Variants in TRPC5 observed in about 807,000 individuals in gnomAD.
TRPC5 encodes transient receptor potential cation channel subfamily C member 5.
TRPC5 carries 9 observed loss-of-function variants against 56.5 expected under a neutral mutation model. The observed-to-expected ratio is 0.16, with a 90% CI of 0.10 to 0.28. The LOEUF (loss-of-function observed/expected upper bound fraction) is 0.28. Ranked by LOEUF, TRPC5 falls within the 10% of genes least tolerant of loss-of-function variation. The pLI is 1.00. For missense variants in TRPC5, 469 were observed against 748.9 expected (o/e 0.63, Z 4.36); for synonymous variants, 282 against 278.5 (o/e 1.01, Z -0.13).
intron 3 of TRPC5, 32 bp downstream of exon 3, chrX:111,912,259 C>T (rs145392920): frequency 0.029 from 33,649 of 1,158,171 alleles, 427 homozygotes; most frequent in Middle Eastern, 0.099. Flanking sequence ...AGGCTTTAAG[C>T]TTCCCTGAAA....
chrX:111,880,570 C>A (rs776445495), intron 3 of TRPC5, among the ~76,000 whole-genome samples: 1 of 112,247 alleles, frequency 8.9e-6, no homozygotes, highest in Non-Finnish European at 1.9e-5. Flanking sequence ...TCACTGTGTA[C>A]TTGAAAAGGT....
At chrX:111,922,721 G>A (rs1438117946) in intron 2 of TRPC5, among the ~76,000 whole-genome samples, 2 of 111,891 alleles carry the variant, frequency 1.8e-5, no homozygotes, top group Non-Finnish European at 3.8e-5. Context: ...CAGCTTTCAA[G>A]GCCAAGGTGT....
At chrX:111,892,154 C>T (rs766633603) in intron 3 of TRPC5, among the ~76,000 whole-genome samples, 60 of 112,056 alleles carry the variant, frequency 5.4e-4, no homozygotes, top group African/African-American at 1.9e-3. Flanking sequence ...CTTAGTCTTT[C>T]TCTTATCAAA....
Position 111,950,117 on chromosome X carries a change from G to A in TRPC5, c.378+1926C>T, listed in dbSNP as rs911573678. ...AGGTGGGCAGATCACGAGGTCAGGA[G>A]ATCAAGAACATCCTGGCTAACACAG... On this transcript the variant is annotated intron_variant, in intron 2 of 10. Coordinates refer to ENST00000262839, the MANE Select transcript of TRPC5 (RefSeq NM_012471.3). Among the ~76,000 whole-genome samples the A allele has an allele frequency of 1.3e-4, 15 of 111,418 alleles. No homozygotes were observed. The East Asian group carries it at 2.6e-3, about 19-fold the overall frequency.
Position 111,922,730 on chromosome X carries a change from G to A in TRPC5, c.379-9918C>T, listed in dbSNP as rs981130036. Among the ~76,000 whole-genome samples the A allele has an allele frequency of 3.6e-5, 4 of 111,996 alleles. No homozygotes were observed. In the East Asian group the frequency reaches 8.4e-4, roughly 23 times the overall value. ...TGATCTCAGCTTTCAAGGCCAAGGT[G>A]TATATAATTTAGATTGGAAGACTGA... On this transcript the variant is annotated intron_variant, in intron 2 of 10. Coordinates refer to ENST00000262839, the MANE Select transcript of TRPC5 (RefSeq NM_012471.3).
chrX:112,075,544 G>A (rs1248765441), intron 1 of TRPC5, among the ~76,000 whole-genome samples: 1 of 112,122 alleles, frequency 8.9e-6, no homozygotes, highest in Non-Finnish European at 1.9e-5. Context: ...ATGTTACATG[G>A]TGAAAAAGAT....
Position 111,911,220 on chromosome X carries a change from C to T in TRPC5, c.900+1071G>A, listed in dbSNP as rs1170054474. Among the ~76,000 whole-genome samples, 3 of 112,273 alleles carry T rather than the reference C, an allele frequency of 2.7e-5. No homozygotes were observed. In the Admixed American group the frequency reaches 2.8e-4, roughly 11 times the overall value. On this transcript the variant is annotated intron_variant, in intron 3 of 10. Transcript: ENST00000262839. ...CATGAAGGAATGGCACTGCCAGTTG[C>T]CCTTCAGCTGGCAGGCACCCCTCAG...
intron 3 of TRPC5, among the ~76,000 whole-genome samples, chrX:111,909,351 TA>T (rs1465687727): frequency 0.011 from 1,144 of 105,937 alleles, 12 homozygotes; most frequent in Non-Finnish European, 0.019. Context: ...AATAAATAAA[TA>T]AATAAATTAA....
chrX:112,056,266 A>G (rs934995095), intron 1 of TRPC5, among the ~76,000 whole-genome samples: 1 of 112,039 alleles, frequency 8.9e-6, no homozygotes, highest in African/African-American at 3.2e-5. Flanking sequence ...CTGCATGAGA[A>G]TGCTTAATAG....
chrX:111,773,311 C>A lies in TRPC5; in HGVS notation c.*3002G>T, dbSNP rs771957732. 8.9e-6 allele frequency among the ~76,000 whole-genome samples: 1 copy of A among 111,942 alleles called. No homozygotes were observed. The highest frequency in any genetic ancestry group is 3.2e-5 in the African/African-American group (1 of 30,875). ...ACAATGGTCACTTTCTAATATAATTCAAATATTTTCTTTGTAATTTTTACC... is the reference window on the plus strand; with the variant it reads ...ACAATGGTCACTTTCTAATATAATTAAAATATTTTCTTTGTAATTTTTACC... On this transcript the variant is annotated 3_prime_UTR_variant, in exon 11 of 11. Transcript: ENST00000262839.
At chrX:111,780,290 C>CT (rs1201370152) in intron 9 of TRPC5, among the ~76,000 whole-genome samples, 3,142 of 101,821 alleles carry the variant, frequency 0.031, 90 homozygotes, top group African/African-American at 0.091. Flanking sequence ...AGGTTTATTA[C>CT]TTTTTTTTTT....
At chrX:112,068,287 C>T (rs1216783230) in intron 1 of TRPC5, among the ~76,000 whole-genome samples, 1 of 112,474 alleles carries the variant, frequency 8.9e-6, no homozygotes, top group African/African-American at 3.2e-5. Flanking sequence ...CTCTTTCCTG[C>T]TTCCAGAGAG....
At position 112,046,845 on chromosome X, in the gene TRPC5, C is replaced by T. The variant is rs1489701243; in HGVS notation, c.-22+35034G>A. ...AGTTTGTAGAGGAGACTCAGCAGGA[C>T]CAAGATGGACAGACCATCTCTGTCC... On this transcript the variant is annotated intron_variant, in intron 1 of 10. Transcript: ENST00000262839. Among the ~76,000 whole-genome samples the T allele has an allele frequency of 2.7e-5, 3 of 111,604 alleles. No individual in the cohort carries two copies. The East Asian group carries it at 8.5e-4, about 32-fold the overall frequency.
At chrX:111,928,550 TGCAGTC>T (rs1926322831) in intron 2 of TRPC5, among the ~76,000 whole-genome samples, 1 of 112,066 alleles carries the variant, frequency 8.9e-6, no homozygotes, top group African/African-American at 3.2e-5. Context: ...TTGTCAATAG[TGCAGTC>T]TCAAGCAGTA....
chrX:111,798,748 G>A (rs910840069), intron 7 of TRPC5, among the ~76,000 whole-genome samples: 1 of 111,573 alleles, frequency 9.0e-6, no homozygotes. Context: ...TTATTATCTC[G>A]TCTTGAAAAT....
chrX:111,853,364 G>A (rs1923136641), intron 4 of TRPC5, among the ~76,000 whole-genome samples: 1 of 111,700 alleles, frequency 9.0e-6, no homozygotes, highest in Admixed American at 9.5e-5. Context: ...ACAAGAACTG[G>A]GTCGTGTGGA....
chrX:112,011,876 A>G (rs900655412), intron 1 of TRPC5, among the ~76,000 whole-genome samples: 4 of 112,072 alleles, frequency 3.6e-5, no homozygotes, highest in Admixed American at 2.8e-4. Context: ...AACTTCATGT[A>G]TACAGCATTA....
chrX:111,799,639 G>A (rs761383147), intron 7 of TRPC5, among the ~76,000 whole-genome samples: 1 of 111,668 alleles, frequency 9.0e-6, no homozygotes, highest in South Asian at 3.7e-4. Flanking sequence ...AGAAAAAGCC[G>A]TAGAAACCTT....
intron 3 of TRPC5, among the ~76,000 whole-genome samples, chrX:111,875,572 CTTTTTTTTT>C (rs771241425): frequency 1.4e-5 from 1 of 70,491 alleles, no homozygotes; most frequent in African/African-American, 5.8e-5. Context: ...TTTTTTCTTT[CTTTTTTTTT>C]TTTTTTTTTT....
Sources: allele counts gnomAD v4.1 joint callset (sites outside exome capture counted in the v4.1 genomes callset), GRCh38; gene constraint gnomAD v4.1.1; transcripts MANE v1.5; gene names NCBI Gene and HGNC (gene_info 2026-07-23, HGNC 2026-07-21).